The following SLBP variants were observed in gnomAD, a reference collection of about 807,000 sequenced individuals.
The protein encoded by SLBP is stem-loop histone mRNA binding protein.
In SLBP, 29 loss-of-function variants were observed where a neutral mutation model predicts 39.2. The observed-to-expected ratio is 0.74, with a 90% CI of 0.55 to 1.01. The LOEUF is 1.01. SLBP is among the 50% of genes least tolerant of loss of function. SLBP has a pLI of 0.00. For synonymous variants in SLBP, 129 were observed against 118.7 expected, an observed-to-expected ratio of 1.09 and a Z score of -0.57; for missense variants, 390 against 350.2, an observed-to-expected ratio of 1.11 and a Z score of -0.91.
intron 2 of SLBP, among the ~76,000 whole-genome samples, chr4:1,705,138 G>A (rs1425991162): frequency 6.6e-6 from 1 of 152,058 alleles, no homozygotes; most frequent in Non-Finnish European, 1.5e-5. Context: ...TGTTGGCCAG[G>A]CTGGTCTCGA....
At chr4:1,708,555 A>G (rs1180250789) in intron 2 of SLBP, among the ~76,000 whole-genome samples, 1 of 152,244 alleles carries the variant, frequency 6.6e-6, no homozygotes, top group African/African-American at 2.4e-5. Flanking sequence ...TAGTGTATCA[A>G]GAGGTTCAAG....
rs1716045267 is a variant in SLBP at position 1,694,803 on chromosome 4, C to T, written c.667G>A (p.Glu223Lys). 2 of 1,613,772 alleles carry T rather than the reference C, an allele frequency of 1.2e-6. No homozygotes were observed. Among genetic ancestry groups the T allele is most frequent in the African/African-American group, 1.3e-5 (1 of 75,018 alleles). ...VDLESAESSS[E>K]PQTSSQDDFD... ...TCATCCTGAGAGCTGGTCTGGGGCT[C>T]GGAGCTGCTTTCTGCAGATTCAAGG... is the stretch of plus-strand genomic sequence containing the variant. Residue 223 changes from glutamate to lysine, a missense_variant, in exon 7 of 8, where the codon GAG becomes AAG. Physicochemically the swap from Glu to Lys is moderately conservative, Grantham distance 56. Transcript: ENST00000489418.
At position 1,711,945 on chromosome 4, in the gene SLBP, G is replaced by A. The variant is rs897900873; in HGVS notation, c.105C>T (p.Ala35=). The A allele has an allele frequency of 9.0e-6, 12 of 1,339,900 alleles. No individual in the cohort carries two copies. In the East Asian group the frequency reaches 1.2e-4, roughly 14 times the overall value. The allele number at this position is 1,339,900 out of a possible 1,614,324, so 83.0% of individuals were successfully genotyped here. ...ARWSLGRKRR[A]DGRRWRPEDA... ...CTTCGGGCCTCCAGCGCCTGCCGTC[G>A]GCTCTGCGCTTCCGTCCCAGGCTCC... The change falls in exon 2 of 8, where the codon GCC becomes GCT. Residue 35 remains alanine, a synonymous_variant. Transcript: ENST00000489418.
In SLBP at chr4:1,699,981, T is replaced by C. The variant is rs769560053; in HGVS notation, c.341+30A>G. ...TTTAACAAATTACAGGTCTATCAAA[T>C]TAGAAAAGAAACATTTACACAGCCT... On this transcript the variant is annotated intron_variant, in intron 4 of 7. Transcript: ENST00000489418. 2.0e-6 allele frequency: 3 copies of C among 1,493,576 alleles called. No individual in the cohort carries two copies. The East Asian group carries it at 6.8e-5, about 34-fold the overall frequency. 92.5% of individuals were successfully genotyped at this position (1,493,576 alleles called of 1,614,324 possible).
intron 2 of SLBP, among the ~76,000 whole-genome samples, chr4:1,707,948 G>A (rs751949751): frequency 1.2e-4 from 19 of 152,016 alleles, no homozygotes; most frequent in Non-Finnish European, 2.2e-4. Flanking sequence ...GCGTGGTGGT[G>A]CGCACCTGTA....
intron 5 of SLBP, 75 bp downstream of exon 5, chr4:1,699,489 T>C: frequency 6.9e-7 from 1 of 1,445,214 alleles, no homozygotes; most frequent in Non-Finnish European, 9.7e-7. Context: ...TCATTTGTAC[T>C]ACCCAATCTA....
At position 1,705,222 on chromosome 4, in the gene SLBP, C is replaced by G. The variant is rs1716474759; in HGVS notation, c.177-1522G>C. Among the ~76,000 whole-genome samples, 3 of 152,236 alleles carry G rather than the reference C, an allele frequency of 2.0e-5. No individual in the cohort carries two copies. The South Asian group carries it at 6.2e-4, about 32-fold the overall frequency. On this transcript the variant is annotated intron_variant, in intron 2 of 7. Coordinates refer to ENST00000489418, the MANE Select transcript of SLBP (RefSeq NM_006527.4). ...GATTATAGCTGTGAGCCACCGTACC[C>G]AGACTGCACTGACCCATCCTAATTC...
rs777836154 is a variant in SLBP at position 1,700,018 on chromosome 4, A to T, written c.334T>A (p.Ser112Thr). The T allele has an allele frequency of 6.3e-7, 1 of 1,596,692 alleles. No individual in the cohort carries two copies. The highest frequency in any genetic ancestry group is 8.6e-7 in the Non-Finnish European group (1 of 1,169,200). Reference sequence around the variant, plus strand: ...CATTTACACAGCCTTTACCTTCCTGATGATGATTTTCTCTCTCTTCCAAAG... The same window carrying T: ...CATTTACACAGCCTTTACCTTCCTGTTGATGATTTTCTCTCTCTTCCAAAG... ...NDFGRERKSS[S>T]GSSDSKESMS... is the part of the protein sequence containing the mutation. Residue 112 changes from serine (S) to threonine (T), a missense_variant, in exon 4 of 8, where the codon TCA (serine) becomes ACA (threonine). Physicochemically the swap from Ser to Thr is moderately conservative, Grantham distance 58. Transcript: ENST00000489418.
Position 1,711,968 on chromosome 4 carries a change from T to A in SLBP, c.82A>T (p.Ser28Cys). ...DASPPSPARW[S>C]LGRKRRADGR... is the part of the protein sequence containing the mutation. ...TCGGCTCTGCGCTTCCGTCCCAGGC[T>A]CCATCGCGCGGGGGACGGCGGGCTG... Residue 28 changes from serine (S) to cysteine (C), a missense_variant, in exon 2 of 8, where the codon AGC (serine) becomes TGC (cysteine). By Grantham distance (112) the Ser-to-Cys change is moderately radical. Transcript: ENST00000489418. The A allele has an allele frequency of 1.5e-6, 2 of 1,308,978 alleles. No homozygotes were observed. Among genetic ancestry groups the A allele is most frequent in the Non-Finnish European group, 1.9e-6 (2 of 1,029,952 alleles). 81.1% of individuals were successfully genotyped at this position (1,308,978 alleles called of 1,614,324 possible). A position where few individuals can be genotyped will look rare whatever the true frequency, so the allele number is the denominator to read the frequency against.
chr4:1,703,951 A>C (rs1716425479), intron 2 of SLBP, among the ~76,000 whole-genome samples: 1 of 152,158 alleles, frequency 6.6e-6, no homozygotes, highest in African/African-American at 2.4e-5. Context: ...ATGTGTATCA[A>C]ACCATACTAA....
intron 2 of SLBP, among the ~76,000 whole-genome samples, chr4:1,710,719 C>T (rs1420665857): frequency 6.6e-6 from 1 of 151,844 alleles, no homozygotes; most frequent in African/African-American, 2.4e-5. Context: ...GATATTTAAT[C>T]TTGTATCTGT....
chr4:1,711,727 G>A, intron 2 of SLBP, 147 bp downstream of exon 2: 1 of 418,026 alleles, frequency 2.4e-6, no homozygotes, highest in Non-Finnish European at 4.1e-6. Context: ...GGCCGCCCCA[G>A]TCCACGGGCC....
Position 1,695,771 on chromosome 4 carries a change from T to G in SLBP, c.629+431A>C, listed in dbSNP as rs1208020773. On this transcript the variant is annotated intron_variant, in intron 6 of 7. Transcript: ENST00000489418. ...ACTCCAGCCTCGGTGACAGAGCATC[T>G]CCCAAAAAAAAAAAGCCAACAGAGA... is the stretch of plus-strand genomic sequence containing the variant. Among the ~76,000 whole-genome samples, 3 of 139,150 alleles carry G rather than the reference T, an allele frequency of 2.2e-5. No individual in the cohort carries two copies. The East Asian group carries it at 6.2e-4, about 29-fold the overall frequency. The allele number at this position is 139,150 out of a possible 152,430, so 91.3% of individuals were successfully genotyped here.
chr4:1,696,336 A>G lies in SLBP; in HGVS notation c.495T>C (p.Pro165=). 1 of 1,581,532 alleles carries G rather than the reference A, an allele frequency of 6.3e-7. No homozygotes were observed. The highest frequency in any genetic ancestry group is 8.6e-7 in the Non-Finnish European group (1 of 1,164,836). The change falls in exon 6 of 8, where the codon CCT becomes CCC. Residue 165 remains proline (P), a synonymous_variant. Transcript: ENST00000489418. ...TATTAGGGGTCTTGGGATGAATGCC[A>G]GGTTGTCGAAGGTGTCTACAGGAGA... The part of the protein sequence containing the change: ...IKEVPRHLRQ[P]GIHPKTPNKF...
chr4:1,712,299 G>A lies in SLBP; in HGVS notation c.-111C>T. On this transcript the variant is annotated 5_prime_UTR_variant, in exon 1 of 8. Transcript: ENST00000489418. ...GCCTGAGGCAGAAACCCGCGTCCCC[G>A]CGCCGGCGCTCACGAGCTCTGCGCG... is the stretch of plus-strand genomic sequence containing the variant. 3.1e-6 allele frequency: 2 copies of A among 641,564 alleles called. No homozygotes were observed. The highest frequency in any genetic ancestry group is 6.0e-5 in the South Asian group (2 of 33,582). 39.7% of individuals were successfully genotyped at this position (641,564 alleles called of 1,614,324 possible).
At position 1,703,637 on chromosome 4, in the gene SLBP, T is replaced by G. The variant is rs915202413; in HGVS notation, c.240A>C (p.Glu80Asp). 8 of 1,613,838 alleles carry G rather than the reference T, an allele frequency of 5.0e-6. No homozygotes were observed. In the African/African-American group the frequency reaches 1.1e-4, roughly 22 times the overall value. The change falls in exon 3 of 8, where the codon GAA becomes GAC. Residue 80 changes from glutamate (E) to aspartate (D), a missense_variant. Transcript: ENST00000489418. ...TAACTCTGGTCCTCATTTCATCTTC[T>G]TCAACTGCACTTGCCCAGTCAGAGC... ...SRCSDWASAVEEDEMRTRVNK... is the reference protein window; with the variant it reads ...SRCSDWASAVDEDEMRTRVNK...
intron 2 of SLBP, among the ~76,000 whole-genome samples, chr4:1,707,436 G>A (rs1346121863): frequency 1.3e-5 from 2 of 150,792 alleles, no homozygotes; most frequent in Non-Finnish European, 3.0e-5. Context: ...AACCTGGGAG[G>A]TGGAGGTTGC....
chr4:1,697,608 A>G (rs1215972297), intron 5 of SLBP, among the ~76,000 whole-genome samples: 1 of 152,232 alleles, frequency 6.6e-6, no homozygotes, highest in Non-Finnish European at 1.5e-5. Flanking sequence ...TGGGAGGCCG[A>G]GGCAGGCAGA....
chr4:1,697,739 G>C (rs999278495), intron 5 of SLBP, among the ~76,000 whole-genome samples: 1 of 152,022 alleles, frequency 6.6e-6, no homozygotes, highest in Non-Finnish European at 1.5e-5. Flanking sequence ...AGCTACTTGG[G>C]AGGCTGAGGC....
Sources: allele counts gnomAD v4.1 joint callset (sites outside exome capture counted in the v4.1 genomes callset), GRCh38; gene constraint gnomAD v4.1.1; transcripts MANE v1.5; gene names NCBI Gene and HGNC (gene_info 2026-07-23, HGNC 2026-07-21).